The following RCBTB1 variants were observed in gnomAD, a reference collection of about 807,000 sequenced individuals.
RCBTB1 encodes the protein RCC1 and BTB domain containing protein 1.
RCBTB1 carries 46 observed loss-of-function variants against 62.4 expected under a neutral mutation model. That is an observed-to-expected ratio of 0.74 (90% CI 0.58 to 0.94). The LOEUF (loss-of-function observed/expected upper bound fraction) is 0.94, where lower values mean the gene tolerates loss of function less well. RCBTB1 is among the 40% of genes least tolerant of loss of function. The probability of loss-of-function intolerance (pLI) is 0.00; values close to 1 mark genes in which losing one functional copy is unlikely to be tolerated. For missense variants in RCBTB1, 565 were observed against 654.9 expected, an observed-to-expected ratio of 0.86 and a Z score of 1.50; for synonymous variants, 222 against 245.8, an observed-to-expected ratio of 0.90 and a Z score of 0.91.
At chr13:49,573,539 C>T (rs1272236399) in intron 2 of RCBTB1, among the ~76,000 whole-genome samples, 1 of 151,342 alleles carries the variant, frequency 6.6e-6, no homozygotes, top group Non-Finnish European at 1.5e-5. Flanking sequence ...ATCTCCGCCT[C>T]CTGGGTTCAA....
chr13:49,546,224 C>T, intron 9 of RCBTB1: 1 of 985,434 alleles, frequency 1.0e-6, no homozygotes, highest in Middle Eastern at 5.2e-4. Context: ...CCTCTTTGCT[C>T]CTGGCAACAA....
At chr13:49,552,687 C>T (rs911820366) in intron 6 of RCBTB1, among the ~76,000 whole-genome samples, 7 of 151,958 alleles carry the variant, frequency 4.6e-5, no homozygotes, top group Admixed American at 2.0e-4. Context: ...ATAATCAAGG[C>T]GCTGCAGAAC....
At chr13:49,544,696 A>G in intron 10 of RCBTB1, 41 bp downstream of exon 10, 1 of 1,551,924 alleles carries the variant, frequency 6.4e-7, no homozygotes, top group African/African-American at 1.4e-5. Context: ...CAAAGAAAGA[A>G]AAGTCAAGTT....
In RCBTB1 at chr13:49,571,583, G is replaced by A. The variant is rs532140345; in HGVS notation, c.-41-4263C>T. Among the ~76,000 whole-genome samples, 5 of 152,280 alleles carry A rather than the reference G, an allele frequency of 3.3e-5. No individual in the cohort carries two copies. In the East Asian group the frequency reaches 7.7e-4, roughly 24 times the overall value. On this transcript the variant is annotated intron_variant, in intron 2 of 12. Coordinates refer to ENST00000378302, the MANE Select transcript of RCBTB1 (RefSeq NM_018191.4). ...AGTGTGTCTTCATTAGACCATGCAT[G>A]CTCAACCTGGGCAGCTGAGAACATG...
chr13:49,566,283 T>C (rs201650393), intron 4 of RCBTB1, among the ~76,000 whole-genome samples: 1 of 88,092 alleles, frequency 1.1e-5, no homozygotes, highest in African/African-American at 8.2e-5. Context: ...AATAAATAAA[T>C]AAATAAATAA....
At chr13:49,560,955 C>T (rs1962385459) in intron 4 of RCBTB1, among the ~76,000 whole-genome samples, 1 of 152,166 alleles carries the variant, frequency 6.6e-6, no homozygotes, top group Non-Finnish European at 1.5e-5. Context: ...CCTCCCAGCA[C>T]CTCGATGTGG....
chr13:49,572,629 CCT>C lies in RCBTB1; in HGVS notation c.-41-5311_-41-5310del, dbSNP rs556861696. Among the ~76,000 whole-genome samples, 130 of 152,144 alleles carry C rather than the reference CCT, an allele frequency of 8.5e-4. 1 individual carries two copies. In the South Asian group the frequency reaches 0.01, roughly 12 times the overall value. ...ACCAGACTGGCCAACATGGCAAAAC[CCT>C]GTCTCCACTAAAAATACAAAAATTA... On this transcript the variant is annotated intron_variant, in intron 2 of 12. Transcript: ENST00000378302.
chr13:49,562,586 G>C (rs1302471862), intron 4 of RCBTB1, among the ~76,000 whole-genome samples: 1 of 151,142 alleles, frequency 6.6e-6, no homozygotes. Context: ...ATTCCATAAA[G>C]GAGAAAACAA....
chr13:49,540,654 G>A (rs765318943), intron 12 of RCBTB1, among the ~76,000 whole-genome samples: 1 of 152,228 alleles, frequency 6.6e-6, no homozygotes, highest in Non-Finnish European at 1.5e-5. Context: ...ACCTTGGTTC[G>A]TTTCCTGTCT....
chr13:49,575,896 G>A (rs905576285), intron 2 of RCBTB1, among the ~76,000 whole-genome samples: 4 of 151,992 alleles, frequency 2.6e-5, no homozygotes, highest in Non-Finnish European at 4.4e-5. Context: ...TAAAATAAAA[G>A]TTGAAATTGG....
chr13:49,540,148 T>C (rs1960235947), intron 12 of RCBTB1, among the ~76,000 whole-genome samples: 1 of 152,242 alleles, frequency 6.6e-6, no homozygotes, highest in African/African-American at 2.4e-5. Context: ...TCATCCTTAA[T>C]GCTTCCTTTA....
At chr13:49,551,264 CCA>C in intron 8 of RCBTB1, 60 bp downstream of exon 8, 1 of 1,580,452 alleles carries the variant, frequency 6.3e-7, no homozygotes, top group Non-Finnish European at 8.6e-7. Context: ...CACAGCTCTG[CCA>C]CACACAGCCC....
chr13:49,556,745 A>G (rs1208909231), intron 5 of RCBTB1, among the ~76,000 whole-genome samples: 3 of 152,190 alleles, frequency 2.0e-5, no homozygotes, highest in Admixed American at 1.3e-4. Flanking sequence ...ACAGGTACAA[A>G]ACAAATAACC....
chr13:49,543,192 A>G (rs1960521324), intron 10 of RCBTB1, among the ~76,000 whole-genome samples: 1 of 152,102 alleles, frequency 6.6e-6, no homozygotes, highest in Non-Finnish European at 1.5e-5. Flanking sequence ...TGAACACAGG[A>G]GGTGGAGGTT....
At chr13:49,582,666 G>A (rs529095598) in intron 1 of RCBTB1, among the ~76,000 whole-genome samples, 44 of 152,274 alleles carry the variant, frequency 2.9e-4, no homozygotes, top group South Asian at 2.1e-4. Flanking sequence ...TCTCCCCGCT[G>A]AGTCTCCATT....
intron 10 of RCBTB1, among the ~76,000 whole-genome samples, chr13:49,544,361 C>T (rs780505945): frequency 1.3e-5 from 2 of 151,988 alleles, no homozygotes; most frequent in African/African-American, 2.4e-5. Flanking sequence ...CCCAGCTACT[C>T]AGGAGGCTGA....
At chr13:49,546,245 T>G (rs1428482536) in intron 9 of RCBTB1, 1 of 985,282 alleles carries the variant, frequency 1.0e-6, no homozygotes, top group East Asian at 1.1e-4. Flanking sequence ...GTATAGTACA[T>G]CCTTTCAGAG....
At chr13:49,559,005 A>G (rs1378581807) in intron 5 of RCBTB1, among the ~76,000 whole-genome samples, 1 of 152,226 alleles carries the variant, frequency 6.6e-6, no homozygotes, top group Non-Finnish European at 1.5e-5. Context: ...ATGTTTAAGA[A>G]GTGGTTTGGG....
rs181138547 is a variant in RCBTB1, at chr13:49,559,784, T to C, written c.444+134A>G. 76 of 732,356 alleles carry C rather than the reference T, an allele frequency of 1.0e-4. No individual in the cohort carries two copies. In the Middle Eastern group the frequency reaches 1.6e-3, roughly 16 times the overall value. 45.4% of individuals were successfully genotyped at this position (732,356 alleles called of 1,614,324 possible). A position where few individuals can be genotyped will look rare whatever the true frequency, so the allele number is the denominator to read the frequency against. ...TTCTGTGGGTGCATGCTGGTGACAG[T>C]TGTATGACAAGGTGAACATACTTAA... On this transcript the variant is annotated intron_variant, in intron 5 of 12. Coordinates refer to ENST00000378302, the MANE Select transcript of RCBTB1 (RefSeq NM_018191.4).
Sources: allele counts gnomAD v4.1 joint callset (sites outside exome capture counted in the v4.1 genomes callset), GRCh38; gene constraint gnomAD v4.1.1; transcripts MANE v1.5; gene names NCBI Gene and HGNC (gene_info 2026-07-23, HGNC 2026-07-21).